The following SCN9A variants were observed in gnomAD, a reference collection of about 807,000 sequenced individuals.
The protein encoded by SCN9A is sodium channel protein type 9 subunit alpha.
A neutral mutation model predicts 187.0 loss-of-function variants in SCN9A; 131 were observed. The observed-to-expected ratio is 0.70, with a 90% CI of 0.61 to 0.81. The LOEUF (loss-of-function observed/expected upper bound fraction) is 0.81, where lower values mean the gene tolerates loss of function less well. Among genes scored for constraint, SCN9A ranks in the 30% least tolerant of loss-of-function variants. The pLI, the probability that SCN9A is intolerant of heterozygous loss-of-function variation, is 0.00. For synonymous variants in SCN9A, 809 were observed against 808.6 expected (o/e 1.00, Z -0.01); for missense variants, 2,252 against 2,396.6 (o/e 0.94, Z 1.26).
intron 7 of SCN9A, among the ~76,000 whole-genome samples, chr2:166,299,528 T>A (rs1698465463): frequency 6.6e-6 from 1 of 151,026 alleles, no homozygotes; most frequent in Non-Finnish European, 1.5e-5. Flanking sequence ...TCTTTGCTTC[T>A]TACTTTATTG....
intron 19 of SCN9A, among the ~76,000 whole-genome samples, chr2:166,242,079 A>G (rs911713886): frequency 1.3e-5 from 2 of 152,230 alleles, no homozygotes; most frequent in Middle Eastern, 3.4e-3. Context: ...CGCCAGTTGG[A>G]GCTTACCAGT....
intron 6 of SCN9A, 67 bp from the exon 7 acceptor site, chr2:166,303,369 C>A: frequency 7.8e-7 from 1 of 1,284,706 alleles, no homozygotes; most frequent in Non-Finnish European, 1.1e-6. Context: ...AAAACACAAG[C>A]TTTCCTAGAA....
chr2:166,291,823 A>G (rs1206665913), intron 9 of SCN9A, among the ~76,000 whole-genome samples: 1 of 152,222 alleles, frequency 6.6e-6, no homozygotes, highest in African/African-American at 2.4e-5. Context: ...CAATGTGGAA[A>G]GGATTCCCTA....
rs371343955 is a variant in SCN9A at position 166,280,317 on chromosome 2, A to AGAGAAACTAT, written c.2343+30_2343+39dup. 3.4e-5 allele frequency: 39 copies of AGAGAAACTAT among 1,133,832 alleles called. No homozygotes were observed. The African/African-American group carries it at 5.3e-4, about 16-fold the overall frequency. 70.2% of individuals were successfully genotyped at this position (1,133,832 alleles called of 1,614,324 possible). ...GAAATGACAATGATGACAACTAAAA[A>AGAGAAACTAT]GAGAAACTATGAGTACATAACACAC... On this transcript the variant is annotated intron_variant, in intron 14 of 26. Transcript: ENST00000642356.
At chr2:166,346,886 A>G (rs16851974) in intron 1 of SCN9A, among the ~76,000 whole-genome samples, 2,021 of 152,310 alleles carry the variant, frequency 0.013, 15 homozygotes, top group African/African-American at 0.018. Context: ...ACAGAAAAAC[A>G]GACATTTGCA....
intron 1 of SCN9A, among the ~76,000 whole-genome samples, chr2:166,366,992 T>C (rs532852070): frequency 6.6e-6 from 1 of 152,340 alleles, no homozygotes; most frequent in South Asian, 2.1e-4. Context: ...ACTTAGATAA[T>C]TGAGTCTTCA....
chr2:166,226,506 C>CA, intron 24 of SCN9A, 61 bp downstream of exon 24: 1 of 1,188,932 alleles, frequency 8.4e-7, no homozygotes, highest in Non-Finnish European at 1.2e-6. Context: ...TTTACATTAT[C>CA]TTTTTTGGAA....
In SCN9A at chr2:166,199,077, C is replaced by T. The variant is rs749373098; in HGVS notation, c.5562G>A (p.Gly1854=). ...TCTGTGAACGAAGAGAATCCATCTCCCCACTCTCACCCAAAACACGCTTTG... is the reference window on the plus strand; with the variant it reads ...TCTGTGAACGAAGAGAATCCATCTCTCCACTCTCACCCAAAACACGCTTTG... The part of the protein sequence containing the change: ...AFTKRVLGES[G]EMDSLRSQME... The change falls in exon 27 of 27, where the codon GGG becomes GGA. Residue 1854 remains glycine, a synonymous_variant. Transcript: ENST00000642356. 1 of 1,614,072 alleles carries T rather than the reference C, an allele frequency of 6.2e-7. No individual in the cohort carries two copies. The highest frequency in any genetic ancestry group is 1.7e-5 in the Admixed American group (1 of 59,992).
Position 166,216,215 on chromosome 2 carries a change from G to A in SCN9A, c.4398+10352C>T, listed in dbSNP as rs761157591. Among the ~76,000 whole-genome samples, 88 of 152,068 alleles carry A rather than the reference G, an allele frequency of 5.8e-4. 1 individual carries two copies. Among genetic ancestry groups the A allele is most frequent in the Non-Finnish European group, 9.4e-4 (64 of 67,902 alleles). On this transcript the variant is annotated intron_variant, in intron 24 of 26. Coordinates refer to ENST00000642356, the MANE Select transcript of SCN9A (RefSeq NM_001365536.1). ...TTCATAATAAAATCTCAACAAAGCA[G>A]ATATGGAAGGAATGTACCTTAACAA...
chr2:166,276,808 C>T (rs925612221), intron 16 of SCN9A, 175 bp downstream of exon 16: 38 of 471,746 alleles, frequency 8.1e-5, no homozygotes, highest in Admixed American at 1.3e-4. Context: ...GCTAGGAAAA[C>T]TAATACAAAA....
intron 2 of SCN9A, among the ~76,000 whole-genome samples, chr2:166,307,943 A>G (rs6432897): frequency 0.62 from 95,054 of 152,120 alleles, 30,275 homozygotes; most frequent in African/African-American, 0.72. Context: ...GACTTTCTAA[A>G]TTTTATATAG....
rs1700102789 is a variant in SCN9A, at chr2:166,354,255, A to C, written c.-51+21442T>G. ...TTTATGGAGGCTGATATGTGCAAAA[A>C]ATATAAGGATTCTGCTATTACAACC... On this transcript the variant is annotated intron_variant, in intron 1 of 26. Coordinates refer to ENST00000642356, the MANE Select transcript of SCN9A (RefSeq NM_001365536.1). Among the ~76,000 whole-genome samples the C allele has an allele frequency of 1.3e-5, 2 of 152,228 alleles. 1 individual carries two copies. The highest frequency in any genetic ancestry group is 1.3e-4 in the Admixed American group (2 of 15,284).
chr2:166,293,133 T>G, intron 9 of SCN9A, 98 bp downstream of exon 9: 1 of 1,076,130 alleles, frequency 9.3e-7, no homozygotes, highest in Non-Finnish European at 1.3e-6. Context: ...GTTTCCTCCA[T>G]TCTCAAATAA....
At chr2:166,352,085 AT>A (rs1422582484) in intron 1 of SCN9A, among the ~76,000 whole-genome samples, 9 of 152,182 alleles carry the variant, frequency 5.9e-5, no homozygotes, top group South Asian at 2.1e-4. Flanking sequence ...CTCAAAAAAA[AT>A]AAGCCCTAAA....
At chr2:166,227,490 A>G (rs1694888010) in intron 23 of SCN9A, among the ~76,000 whole-genome samples, 180 bp downstream of exon 23, 1 of 152,206 alleles carries the variant, frequency 6.6e-6, no homozygotes, top group Admixed American at 6.5e-5. Flanking sequence ...TACAGCTAGA[A>G]TTTGAATCAG....
chr2:166,287,714 A>G (rs1043388597), intron 10 of SCN9A, among the ~76,000 whole-genome samples: 1 of 151,994 alleles, frequency 6.6e-6, no homozygotes, highest in Non-Finnish European at 1.5e-5. Flanking sequence ...CTCTGGAAAG[A>G]GGATTAAGGA....
chr2:166,212,870 ACT>A (rs1270787287), intron 24 of SCN9A, among the ~76,000 whole-genome samples: 1 of 151,998 alleles, frequency 6.6e-6, no homozygotes. Flanking sequence ...ATTAAACAAC[ACT>A]CTCTTGAAAA....
intron 17 of SCN9A, among the ~76,000 whole-genome samples, chr2:166,265,989 A>C (rs1182283877): frequency 2.6e-5 from 4 of 151,866 alleles, no homozygotes; most frequent in Non-Finnish European, 5.9e-5. Flanking sequence ...TAGTTTACAA[A>C]TTTATTTTCC....
chr2:166,340,471 CT>C (rs909621802), intron 1 of SCN9A, among the ~76,000 whole-genome samples: 129 of 151,612 alleles, frequency 8.5e-4, no homozygotes, highest in African/African-American at 3.1e-3. Flanking sequence ...ACAACGTTTT[CT>C]TTCTTTCTCT....
Sources: allele counts gnomAD v4.1 joint callset (sites outside exome capture counted in the v4.1 genomes callset), GRCh38; gene constraint gnomAD v4.1.1; transcripts MANE v1.5; gene names NCBI Gene and HGNC (gene_info 2026-07-23, HGNC 2026-07-21).